Variants in PRPF3 observed in about 807,000 individuals in gnomAD.
The protein encoded by PRPF3 is U4/U6 small nuclear ribonucleoprotein Prp3.
Under a neutral mutation model 89.2 loss-of-function variants are expected in PRPF3, and 3 were observed. That is an observed-to-expected ratio of 0.03 (90% CI 0.02 to 0.09). PRPF3 has a LOEUF of 0.09. Ranked by LOEUF, PRPF3 falls within the 10% of genes least tolerant of loss-of-function variation. PRPF3 has a pLI of 1.00. For synonymous variants in PRPF3, 270 were observed against 289.1 expected (o/e 0.93, Z 0.67); for missense variants, 463 against 828.8 (o/e 0.56, Z 5.42).
intron 2 of PRPF3, among the ~76,000 whole-genome samples, 160 bp from the exon 3 acceptor site, chr1:150,325,591 G>A (rs913917327): frequency 6.6e-6 from 1 of 152,064 alleles, no homozygotes; most frequent in Admixed American, 6.6e-5. Flanking sequence ...ACCTCACAGG[G>A]CAAGGTCATT....
At chr1:150,323,173 C>CTGTTTTTTTT (rs1655277338) in intron 1 of PRPF3, among the ~76,000 whole-genome samples, 2 of 48,286 alleles carry the variant, frequency 4.1e-5, no homozygotes, top group Non-Finnish European at 6.6e-5. Flanking sequence ...CCGCACCTGG[C>CTGTTTTTTTT]TTTTTTTTTT....
Position 150,333,018 on chromosome 1 carries a change from A to T in PRPF3, c.547A>T (p.Ile183Phe). 6.2e-7 allele frequency: 1 copy of T among 1,613,972 alleles called. No individual in the cohort carries two copies. The highest frequency in any genetic ancestry group is 8.5e-7 in the Non-Finnish European group (1 of 1,180,008). Reference protein sequence around the residue: ...PSSSQPERLPIGNTIQPSQAA... With the variant: ...PSSSQPERLPFGNTIQPSQAA... ...TTCCTCCCAACCAGAACGACTTCCT[A>T]TTGGCAACACTATTCAGCCCTCCCA... The change falls in exon 6 of 16, where the codon ATT (isoleucine) becomes TTT (phenylalanine). Residue 183 changes from isoleucine (I) to phenylalanine (F), a missense_variant. Transcript: ENST00000324862.
chr1:150,353,094 A>T lies in PRPF3; in HGVS notation c.*115A>T. On this transcript the variant is annotated 3_prime_UTR_variant, in exon 16 of 16. Transcript: ENST00000324862. ...GTGTGATCTCAGAACTGTGCCAAGC[A>T]GACACTGGGACAAAGGGAGAATATC... The T allele has an allele frequency of 7.2e-7, 1 of 1,388,706 alleles. No individual in the cohort carries two copies. The highest frequency in any genetic ancestry group is 1.0e-6 in the Non-Finnish European group (1 of 978,212). 86.0% of individuals were successfully genotyped at this position (1,388,706 alleles called of 1,614,324 possible).
intron 7 of PRPF3, among the ~76,000 whole-genome samples, chr1:150,335,917 C>T (rs59325647): frequency 0.11 from 16,816 of 151,918 alleles, 1,407 homozygotes; most frequent in East Asian, 0.44. Flanking sequence ...TGCAGGCATG[C>T]GCCGCCATGC....
chr1:150,352,953 G>C lies in PRPF3; in HGVS notation c.2026G>C (p.Glu676Gln), dbSNP rs782568395. The change falls in exon 16 of 16, where the codon GAA (glutamate) becomes CAA (glutamine). Residue 676 changes from glutamate to glutamine, a missense_variant. By Grantham distance (29) the Glu-to-Gln change is conservative. Around this residue, in one of 8 missense-constraint regions of PRPF3, gnomAD observed 78 missense variants for 96.6 expected, o/e 0.81. Transcript: ENST00000324862. ...AEHYWDLALS[E>Q]SVLESTD ...ACACTACTGGGACCTTGCGCTGAGT[G>C]AATCTGTGTTAGAGTCCACTGATTG... The C allele has an allele frequency of 7.4e-6, 12 of 1,613,992 alleles. No individual in the cohort carries two copies. The highest frequency in any genetic ancestry group is 1.1e-5 in the South Asian group (1 of 91,086).
rs782416755 is a variant in PRPF3, at chr1:150,335,102, A to C, written c.896A>C (p.Glu299Ala). The C allele has an allele frequency of 6.2e-7, 1 of 1,613,976 alleles. No homozygotes were observed. Among genetic ancestry groups the C allele is most frequent in the Non-Finnish European group, 8.5e-7 (1 of 1,180,004 alleles). ...KREQFKQQLK[E>A]KPSEDMESNT... ...GAACAATTCAAGCAACAACTAAAGG[A>C]AAAGCCATCAGAAGACATGGAATCC... Residue 299 changes from glutamate to alanine, a missense_variant, in exon 7 of 16, where the codon GAA becomes GCA. Glu to Ala is a moderately radical substitution (Grantham distance 107). This residue lies in a region of PRPF3 where 261 missense variants were observed against 475.8 expected (regional missense o/e 0.55). Coordinates refer to ENST00000324862, the MANE Select transcript of PRPF3 (RefSeq NM_004698.4).
chr1:150,333,481 C>T lies in PRPF3; in HGVS notation c.728+282C>T, dbSNP rs587720252. Among the ~76,000 whole-genome samples the T allele has an allele frequency of 1.0e-3, 158 of 152,194 alleles. 1 individual carries two copies. The highest frequency in any genetic ancestry group is 7.4e-4 in the Non-Finnish European group (50 of 68,006). On this transcript the variant is annotated intron_variant, in intron 6 of 15. Coordinates refer to ENST00000324862, the MANE Select transcript of PRPF3 (RefSeq NM_004698.4). ...ACTCGGGAGGCTGAGGCAGGAGAAT[C>T]GCTTGAACACAGGAGGCAGAGGTTG...
At position 150,346,033 on chromosome 1, in the gene PRPF3, C is replaced by T; in HGVS notation, c.1656C>T (p.Ser552=). The change falls in exon 13 of 16, where the codon AGC becomes AGT. Residue 552 remains serine (S), a synonymous_variant. Coordinates refer to ENST00000324862, the MANE Select transcript of PRPF3 (RefSeq NM_004698.4). The part of the protein sequence containing the change: ...HISVYRVRNL[S]NPAKKFKIEA... ...CCTTCTCCAGAGTTCGAAATTTGAG[C>T]AACCCAGCCAAGAAGTTCAAGATTG... 1.9e-6 allele frequency: 3 copies of T among 1,614,058 alleles called. No individual in the cohort carries two copies. The highest frequency in any genetic ancestry group is 2.5e-6 in the Non-Finnish European group (3 of 1,179,984).
At chr1:150,327,566 G>A (rs1655869157) in intron 3 of PRPF3, 2 of 985,624 alleles carry the variant, frequency 2.0e-6, no homozygotes, top group East Asian at 1.1e-4. Flanking sequence ...GGAGTTCCAG[G>A]AAGCGCTCGC....
rs981149613 is a variant in PRPF3, at chr1:150,325,876, C to G, written c.271C>G (p.Leu91Val). The change falls in exon 3 of 16, where the codon CTA (leucine) becomes GTA (valine). Residue 91 changes from leucine (L) to valine (V), a missense_variant. Leu to Val is a conservative substitution (Grantham distance 32, BLOSUM62 1). Around this residue, in one of 8 missense-constraint regions of PRPF3, gnomAD observed 28 missense variants for 48.1 expected, o/e 0.58. Coordinates refer to ENST00000324862, the MANE Select transcript of PRPF3 (RefSeq NM_004698.4). ...SSSDRSRKRE[L>V]KEVFGDDSEI... ...CAGTGACAGGAGCAGAAAACGAGAGCTAAAGGTAGGTTACAATTTACTGTC... is the reference window on the plus strand; with the variant it reads ...CAGTGACAGGAGCAGAAAACGAGAGGTAAAGGTAGGTTACAATTTACTGTC... 1 of 1,612,772 alleles carries G rather than the reference C, an allele frequency of 6.2e-7. No homozygotes were observed. The highest frequency in any genetic ancestry group is 8.5e-7 in the Non-Finnish European group (1 of 1,179,222).
chr1:150,332,919 A>T (rs1656575385), intron 5 of PRPF3, 60 bp from the exon 6 acceptor site: 1 of 1,523,686 alleles, frequency 6.6e-7, no homozygotes, highest in Non-Finnish European at 9.1e-7. Context: ...ATCTGTGTGT[A>T]TGTATGTGTG....
Position 150,328,413 on chromosome 1 carries a change from G to A in PRPF3, c.370G>A (p.Glu124Lys). 6.2e-7 allele frequency: 1 copy of A among 1,614,094 alleles called. No homozygotes were observed. Among genetic ancestry groups the A allele is most frequent in the Non-Finnish European group, 8.5e-7 (1 of 1,180,026 alleles). The change falls in exon 4 of 16, where the codon GAG becomes AAG. Residue 124 changes from glutamate to lysine, a missense_variant. Physicochemically the swap from Glu to Lys is moderately conservative, Grantham distance 56. Coordinates refer to ENST00000324862, the MANE Select transcript of PRPF3 (RefSeq NM_004698.4). The stretch of plus-strand genomic sequence containing the variant: ...TTTTGAGGAGGTGGAAGAAGAGCCA[G>A]AGGTGATCCCTGGGCCTCCATCAGA... ...PRFEEVEEEPEVIPGPPSESP... is the reference protein window; with the variant it reads ...PRFEEVEEEPKVIPGPPSESP...
upstream of PRPF3, chr1:150,321,489 T>G (rs1385651700): frequency 1.3e-5 from 2 of 152,550 alleles, no homozygotes; most frequent in Non-Finnish European, 2.9e-5. Context: ...GACAGCGGCG[T>G]GGCGGCGGCG....
chr1:150,325,857 C>G lies in PRPF3; in HGVS notation c.252C>G (p.Asp84Glu). The change falls in exon 3 of 16, where the codon GAC becomes GAG. Residue 84 changes from aspartate (D) to glutamate (E), a missense_variant. By Grantham distance (45) the Asp-to-Glu change is conservative. This residue lies in a region of PRPF3 where 21 missense variants were observed against 16.6 expected (regional missense o/e 1.26). Coordinates refer to ENST00000324862, the MANE Select transcript of PRPF3 (RefSeq NM_004698.4). ...RSSRHSKSSS[D>E]RSRKRELKEV... ...CTAGGCATTCCAAGTCTAGCAGTGACAGGAGCAGAAAACGAGAGCTAAAGG... is the reference window on the plus strand; with the variant it reads ...CTAGGCATTCCAAGTCTAGCAGTGAGAGGAGCAGAAAACGAGAGCTAAAGG... The G allele has an allele frequency of 6.2e-7, 1 of 1,613,500 alleles. No individual in the cohort carries two copies. The highest frequency in any genetic ancestry group is 8.5e-7 in the Non-Finnish European group (1 of 1,179,598).
At chr1:150,341,705 CTTTT>C (rs35190590) in intron 9 of PRPF3, among the ~76,000 whole-genome samples, 7 of 138,574 alleles carry the variant, frequency 5.1e-5, no homozygotes, top group East Asian at 2.2e-4. Flanking sequence ...CGCGCCCGGC[CTTTT>C]TTTTTTTTTT....
At chr1:150,322,575 A>G (rs1193576177) in intron 1 of PRPF3, among the ~76,000 whole-genome samples, 1 of 152,180 alleles carries the variant, frequency 6.6e-6, no homozygotes, top group Non-Finnish European at 1.5e-5. Context: ...ACCACCATAG[A>G]ATTACTCACG....
At chr1:150,333,332 G>A in intron 6 of PRPF3, 133 bp downstream of exon 6, 1 of 988,168 alleles carries the variant, frequency 1.0e-6, no homozygotes, top group Non-Finnish European at 1.5e-6. Flanking sequence ...GGCTGAGGTA[G>A]GTGGATCACC....
intron 3 of PRPF3, among the ~76,000 whole-genome samples, chr1:150,327,052 C>T (rs1655802009): frequency 6.7e-6 from 1 of 149,920 alleles, no homozygotes; most frequent in Non-Finnish European, 1.5e-5. Flanking sequence ...CACGATAGGG[C>T]ATACTTCTTT....
At chr1:150,349,590 A>G (rs186799461) in intron 15 of PRPF3, among the ~76,000 whole-genome samples, 1 of 152,238 alleles carries the variant, frequency 6.6e-6, no homozygotes, top group Admixed American at 6.6e-5. Flanking sequence ...TAAGAATATA[A>G]AGTTAGGAGG....
Sources: gnomAD v4.1 joint callset for allele counts (sites outside exome capture counted in the v4.1 genomes callset) on GRCh38, gnomAD v4.1.1 for gene constraint, gnomAD v4.1.1 regional missense constraint, MANE v1.5 for transcripts, NCBI Gene and HGNC (gene_info 2026-07-23, HGNC 2026-07-21) for gene names.